The following KCNN2 variants were observed in gnomAD, a reference collection of about 807,000 sequenced individuals.
The protein encoded by KCNN2 is potassium calcium-activated channel subfamily N member 2.
In KCNN2, 24 loss-of-function variants were observed where a neutral mutation model predicts 55.5. That is an observed-to-expected ratio of 0.43 (90% CI 0.31 to 0.61). The LOEUF is 0.61. Among genes scored for constraint, KCNN2 ranks in the 20% least tolerant of loss-of-function variants. The pLI is 0.08. For missense variants in KCNN2, 754 were observed against 853.6 expected, an observed-to-expected ratio of 0.88 and a Z score of 1.45; for synonymous variants, 431 against 336.1, an observed-to-expected ratio of 1.28 and a Z score of -3.09.
intron 2 of KCNN2, among the ~76,000 whole-genome samples, chr5:114,271,760 T>A (rs1289013287): frequency 6.6e-6 from 1 of 152,184 alleles, no homozygotes; most frequent in Non-Finnish European, 1.5e-5. Flanking sequence ...TTATAGTCAG[T>A]CCAACATAGT....
chr5:114,397,446 G>A (rs568018737), intron 2 of KCNN2, among the ~76,000 whole-genome samples: 1 of 152,110 alleles, frequency 6.6e-6, no homozygotes, highest in East Asian at 1.9e-4. Context: ...GAGTGCAATG[G>A]TGCTGTCTTG....
chr5:114,152,287 A>C (rs1305126898), intron 1 of KCNN2, among the ~76,000 whole-genome samples: 1 of 152,190 alleles, frequency 6.6e-6, no homozygotes, highest in Non-Finnish European at 1.5e-5. Context: ...TTGGATAGCA[A>C]ATCTTCATTT....
intron 5 of KCNN2, among the ~76,000 whole-genome samples, chr5:114,481,293 G>A (rs1762212471): frequency 1.3e-5 from 2 of 152,132 alleles, no homozygotes; most frequent in African/African-American, 4.8e-5. Flanking sequence ...GCTAACAAGG[G>A]AAATGAAGGA....
intron 2 of KCNN2, among the ~76,000 whole-genome samples, chr5:114,399,936 T>G (rs1014420702): frequency 2.9e-4 from 44 of 150,876 alleles, no homozygotes; most frequent in African/African-American, 6.8e-4. Context: ...TTTTGTTTTT[T>G]TTTTTTGTAT....
At chr5:114,096,055 C>T (rs78906217) in intron 1 of KCNN2, among the ~76,000 whole-genome samples, 3,037 of 152,132 alleles carry the variant, frequency 0.02, 100 homozygotes, top group African/African-American at 0.07. Context: ...GGGACTGAGT[C>T]CACAGGTTGA....
chr5:114,251,918 G>A (rs998532030), intron 2 of KCNN2, among the ~76,000 whole-genome samples: 9 of 134,962 alleles, frequency 6.7e-5, no homozygotes, highest in Non-Finnish European at 1.4e-4. Flanking sequence ...TCGCTCTGTC[G>A]CCCAGGCTGA....
At chr5:114,432,879 C>T (rs1759848187) in intron 3 of KCNN2, among the ~76,000 whole-genome samples, 1 of 152,350 alleles carries the variant, frequency 6.6e-6, no homozygotes, top group Non-Finnish European at 1.5e-5. Flanking sequence ...CTCACCAGCG[C>T]TGCGCTTGAT....
intron 1 of KCNN2, among the ~76,000 whole-genome samples, chr5:114,122,356 C>A (rs1751844278): frequency 6.6e-6 from 1 of 152,144 alleles, no homozygotes; most frequent in Admixed American, 6.5e-5. Context: ...GATTCCTCTT[C>A]CTGGACAGGA....
rs193257762 is a variant in KCNN2, at chr5:114,418,966, C to T, written c.1637+14110C>T. 3.2e-4 allele frequency among the ~76,000 whole-genome samples: 48 copies of T among 152,296 alleles called. No individual in the cohort carries two copies. The East Asian group carries it at 8.1e-3, about 26-fold the overall frequency. On this transcript the variant is annotated intron_variant, in intron 3 of 7. Transcript: ENST00000673685. ...ATACAAGCATATCTTCAAGTAATCACATAACTGAATGTGCCTGAGTAGACT... is the reference window on the plus strand; with the variant it reads ...ATACAAGCATATCTTCAAGTAATCATATAACTGAATGTGCCTGAGTAGACT...
chr5:114,226,921 A>G (rs932204980), intron 2 of KCNN2, among the ~76,000 whole-genome samples: 1 of 144,026 alleles, frequency 6.9e-6, no homozygotes, highest in Non-Finnish European at 1.5e-5. Context: ...AAAAAAAAAA[A>G]GAAATATTGA....
At chr5:114,248,417 A>G (rs934713262) in intron 2 of KCNN2, among the ~76,000 whole-genome samples, 2 of 152,240 alleles carry the variant, frequency 1.3e-5, no homozygotes, top group Admixed American at 1.3e-4. Context: ...TGAAAAGAAC[A>G]TGTAGGTAGA....
In KCNN2 at chr5:114,496,379, C is replaced by G. The variant is rs1748125966; in HGVS notation, c.*197C>G. On this transcript the variant is annotated 3_prime_UTR_variant, in exon 8 of 8. Transcript: ENST00000673685. The stretch of plus-strand genomic sequence containing the variant: ...TTCTTTCAGATGCACAGGGAATGCA[C>G]CTATTATTGCTATATAGATTGTTCC... 5 of 574,384 alleles carry G rather than the reference C, an allele frequency of 8.7e-6. No homozygotes were observed. The South Asian group carries it at 1.2e-4, about 14-fold the overall frequency. 35.6% of individuals were successfully genotyped at this position (574,384 alleles called of 1,614,324 possible). A position where few individuals can be genotyped will look rare whatever the true frequency, so the allele number is the denominator to read the frequency against.
At chr5:114,151,777 C>T (rs1217404932) in intron 1 of KCNN2, among the ~76,000 whole-genome samples, 2 of 151,798 alleles carry the variant, frequency 1.3e-5, no homozygotes, top group East Asian at 3.9e-4. Flanking sequence ...TGATGTTTGA[C>T]TTTGGAGTTG....
chr5:114,336,389 A>T (rs1756925691), intron 2 of KCNN2, among the ~76,000 whole-genome samples: 1 of 152,220 alleles, frequency 6.6e-6, no homozygotes, highest in African/African-American at 2.4e-5. Context: ...GGAATTGAGT[A>T]TTGTATTTGA....
At chr5:114,271,591 A>G (rs1755337341) in intron 2 of KCNN2, among the ~76,000 whole-genome samples, 1 of 152,226 alleles carries the variant, frequency 6.6e-6, no homozygotes, top group African/African-American at 2.4e-5. Flanking sequence ...GTAATAGGAT[A>G]GCAGGAAATT....
chr5:114,146,366 G>A (rs1030343473), intron 1 of KCNN2, among the ~76,000 whole-genome samples: 1 of 152,016 alleles, frequency 6.6e-6, no homozygotes, highest in African/African-American at 2.4e-5. Context: ...TGGGTTATAA[G>A]GAATACCAGT....
chr5:114,419,331 A>G (rs1759402787), intron 3 of KCNN2, among the ~76,000 whole-genome samples: 1 of 152,242 alleles, frequency 6.6e-6, no homozygotes, highest in African/African-American at 2.4e-5. Flanking sequence ...ACAAAGCCTA[A>G]AATATTTATT....
intron 3 of KCNN2, among the ~76,000 whole-genome samples, chr5:114,449,051 G>A (rs1483285060): frequency 6.6e-6 from 1 of 152,164 alleles, no homozygotes; most frequent in Non-Finnish European, 1.5e-5. Context: ...AGAGGCAGCT[G>A]AGGGGGCCCA....
At chr5:114,403,842 A>G (rs759147527) in intron 2 of KCNN2, among the ~76,000 whole-genome samples, 8 of 152,242 alleles carry the variant, frequency 5.3e-5, no homozygotes, top group Non-Finnish European at 1.2e-4. Flanking sequence ...ATCCAAGGGA[A>G]GGCTATGGAC....
Sources: allele counts gnomAD v4.1 joint callset (sites outside exome capture counted in the v4.1 genomes callset), GRCh38; gene constraint gnomAD v4.1.1; transcripts MANE v1.5; gene names NCBI Gene and HGNC (gene_info 2026-07-23, HGNC 2026-07-21).